Variants in CDC14A observed in about 807,000 individuals in gnomAD.
CDC14A encodes the protein dual specificity protein phosphatase CDC14A.
A neutral mutation model predicts 74.4 loss-of-function variants in CDC14A; 53 were observed. The ratio of observed to expected loss-of-function variants is 0.71; its 90% CI spans 0.57 to 0.89. CDC14A has a LOEUF of 0.89. Among genes scored for constraint, CDC14A ranks in the 40% least tolerant of loss-of-function variants. The pLI, the probability that CDC14A is intolerant of heterozygous loss-of-function variation, is 0.00. For missense variants in CDC14A, 646 were observed against 713.7 expected (o/e 0.91, Z 1.08); for synonymous variants, 247 against 258.4 (o/e 0.96, Z 0.43).
At chr1:100,477,675 CAAT>C (rs1669054247) in intron 10 of CDC14A, among the ~76,000 whole-genome samples, 1 of 152,026 alleles carries the variant, frequency 6.6e-6, no homozygotes, top group African/African-American at 2.4e-5. Context: ...AGTATGAAGT[CAAT>C]GATGACGCAA....
chr1:100,393,236 T>G (rs1316173887), intron 4 of CDC14A: 18 of 1,561,564 alleles, frequency 1.2e-5, no homozygotes, highest in Non-Finnish European at 1.5e-5. Flanking sequence ...GAATATGTTT[T>G]CTTAACTTCT....
At chr1:100,442,237 G>A (rs1003192282) in intron 6 of CDC14A, among the ~76,000 whole-genome samples, 1 of 148,318 alleles carries the variant, frequency 6.7e-6, no homozygotes, top group Non-Finnish European at 1.5e-5. Context: ...TTCTCCCAAG[G>A]TAGAGTTTTA....
At chr1:100,423,133 C>G (rs947013314) in intron 4 of CDC14A, among the ~76,000 whole-genome samples, 1 of 152,162 alleles carries the variant, frequency 6.6e-6, no homozygotes, top group African/African-American at 2.4e-5. Flanking sequence ...TTGAGCTCTC[C>G]CAGTGGTTTG....
intron 4 of CDC14A, among the ~76,000 whole-genome samples, chr1:100,415,774 C>A (rs1018503856): frequency 6.6e-6 from 1 of 152,096 alleles, no homozygotes; most frequent in African/African-American, 2.4e-5. Flanking sequence ...ACTGACTTTC[C>A]TAATTCATAT....
chr1:100,485,954 T>G (rs1163119684), intron 11 of CDC14A: 1 of 152,240 alleles, frequency 6.6e-6, no homozygotes, highest in Non-Finnish European at 1.5e-5. Context: ...GTACACCTTA[T>G]CCAAGGTCAT....
In CDC14A at chr1:100,511,398, G is replaced by A. The variant is rs147514088; in HGVS notation, c.1756-6853G>A. On this transcript the variant is annotated intron_variant, in intron 15 of 15. Transcript: ENST00000336454. The stretch of plus-strand genomic sequence containing the variant: ...AAAGTCTCTCCCGCAGATTACTGCC[G>A]ACTTCTTCAAGGCCAGATCTGATGG... Among the ~76,000 whole-genome samples, 88 of 152,262 alleles carry A rather than the reference G, an allele frequency of 5.8e-4. 1 individual carries two copies. The East Asian group carries it at 0.012, about 21-fold the overall frequency.
At chr1:100,372,034 G>A (rs1654545657) in intron 2 of CDC14A, among the ~76,000 whole-genome samples, 1 of 152,110 alleles carries the variant, frequency 6.6e-6, no homozygotes, top group Non-Finnish European at 1.5e-5. Context: ...AAGGTTTTTT[G>A]GTTTCTCAGT....
At chr1:100,396,478 A>G (rs1397534327) in intron 4 of CDC14A, among the ~76,000 whole-genome samples, 1 of 152,220 alleles carries the variant, frequency 6.6e-6, no homozygotes, top group Non-Finnish European at 1.5e-5. Context: ...AAACTCCTGA[A>G]AATAATGAAG....
intron 10 of CDC14A, among the ~76,000 whole-genome samples, chr1:100,481,625 A>G (rs1051881726): frequency 2.6e-5 from 4 of 152,192 alleles, no homozygotes; most frequent in African/African-American, 9.6e-5. Context: ...CCTAAACCCA[A>G]CTAACCCAGG....
At chr1:100,425,125 C>T (rs911393619) in intron 5 of CDC14A, among the ~76,000 whole-genome samples, 1 of 152,050 alleles carries the variant, frequency 6.6e-6, no homozygotes, top group African/African-American at 2.4e-5. Flanking sequence ...CTGAGATCGC[C>T]CCACTACACT....
chr1:100,469,911 C>T (rs1668225030), intron 10 of CDC14A, among the ~76,000 whole-genome samples: 1 of 152,162 alleles, frequency 6.6e-6, no homozygotes, highest in South Asian at 2.1e-4. Context: ...GGCAAAGGCA[C>T]TCTAGGCTGA....
intron 10 of CDC14A, among the ~76,000 whole-genome samples, chr1:100,469,964 G>T (rs59145693): frequency 0.019 from 2,891 of 152,208 alleles, 100 homozygotes; most frequent in African/African-American, 0.067. Flanking sequence ...TGTATATAAA[G>T]AACTCTCAAA....
upstream of CDC14A, chr1:100,351,840 T>G: frequency 2.0e-6 from 3 of 1,512,750 alleles, no homozygotes; most frequent in Non-Finnish European, 2.7e-6. Context: ...ACATGTACTG[T>G]GAGCTAGGAG....
chr1:100,405,218 A>G (rs2101022926), intron 4 of CDC14A, among the ~76,000 whole-genome samples: 1 of 152,280 alleles, frequency 6.6e-6, no homozygotes, highest in South Asian at 2.1e-4. Flanking sequence ...TTTTCTTACT[A>G]TCTGACTTAG....
At chr1:100,422,324 A>G (rs1174266819) in intron 4 of CDC14A, among the ~76,000 whole-genome samples, 2 of 152,152 alleles carry the variant, frequency 1.3e-5, no homozygotes, top group Non-Finnish European at 2.9e-5. Flanking sequence ...GCTCCTGGGG[A>G]GGAAAATGCA....
chr1:100,462,948 A>C lies in CDC14A; in HGVS notation c.838+67A>C, dbSNP rs955916738. On this transcript the variant is annotated intron_variant, in intron 9 of 15. Transcript: ENST00000336454. ...GGGGCGGGCCAAGGAAGAGCAAATA[A>C]CATAAAACAAAACCTGTTTAGTGTC... The C allele has an allele frequency of 5.0e-6, 6 of 1,188,558 alleles. No homozygotes were observed. The African/African-American group carries it at 9.2e-5, about 18-fold the overall frequency. 73.6% of individuals were successfully genotyped at this position (1,188,558 alleles called of 1,614,324 possible). A position where few individuals can be genotyped will look rare whatever the true frequency, so the allele number is the denominator to read the frequency against.
intron 3 of CDC14A, among the ~76,000 whole-genome samples, chr1:100,381,677 T>C (rs1490226093): frequency 6.6e-6 from 1 of 152,212 alleles, no homozygotes; most frequent in Non-Finnish European, 1.5e-5. Context: ...TGCATTCTAT[T>C]CCCAATGTCC....
At chr1:100,445,630 C>G (rs1366781581) in intron 7 of CDC14A, among the ~76,000 whole-genome samples, 3 of 152,100 alleles carry the variant, frequency 2.0e-5, no homozygotes, top group Non-Finnish European at 4.4e-5. Context: ...TCCTCTCTGT[C>G]TAACTTTAAT....
At chr1:100,512,571 G>T (rs1390817337) in intron 15 of CDC14A, among the ~76,000 whole-genome samples, 1 of 152,124 alleles carries the variant, frequency 6.6e-6, no homozygotes, top group Non-Finnish European at 1.5e-5. Flanking sequence ...CTCATGTAAT[G>T]GTTGGCTGAG....
Sources: gnomAD v4.1 joint callset for allele counts (sites outside exome capture counted in the v4.1 genomes callset) on GRCh38, gnomAD v4.1.1 for gene constraint, MANE v1.5 for transcripts, NCBI Gene and HGNC (gene_info 2026-07-23, HGNC 2026-07-21) for gene names.